The following C7 variants were observed in gnomAD, a reference collection of about 807,000 sequenced individuals.
The protein encoded by C7 is complement component C7.
A neutral mutation model predicts 104.8 loss-of-function variants in C7; 83 were observed. That is an observed-to-expected ratio of 0.79 (90% confidence interval 0.66 to 0.95). C7 has a LOEUF of 0.95. Among genes scored for constraint, C7 ranks in the 40% least tolerant of loss-of-function variants. The pLI is 0.00. For missense variants in C7, 1,070 were observed against 1,011.2 expected (o/e 1.06, Z -0.79); for synonymous variants, 415 against 360.6 (o/e 1.15, Z -1.71).
chr5:40,977,862 G>T (rs945944016), intron 16 of C7, among the ~76,000 whole-genome samples: 1 of 152,074 alleles, frequency 6.6e-6, no homozygotes, highest in African/African-American at 2.4e-5. Context: ...GACCTGGTGC[G>T]GTGGCTCACG....
At chr5:40,932,544 G>A (rs555085404) in intron 3 of C7, among the ~76,000 whole-genome samples, 5 of 152,132 alleles carry the variant, frequency 3.3e-5, no homozygotes, top group African/African-American at 1.2e-4. Context: ...TTATTTTGAA[G>A]CATCATCATT....
At chr5:40,964,540 A>T in intron 13 of C7, 2 of 490,698 alleles carry the variant, frequency 4.1e-6, no homozygotes, top group South Asian at 4.9e-5. Flanking sequence ...AGACAGTGGT[A>T]TTAATAGTTT....
chr5:40,961,720 A>G (rs1242327944), intron 12 of C7, among the ~76,000 whole-genome samples: 1 of 152,198 alleles, frequency 6.6e-6, no homozygotes, highest in Non-Finnish European at 1.5e-5. Context: ...TTAATTCTGT[A>G]TTAAATGAAT....
At chr5:40,978,371 T>A (rs1489644284) in intron 16 of C7, among the ~76,000 whole-genome samples, 1 of 152,160 alleles carries the variant, frequency 6.6e-6, no homozygotes, top group Non-Finnish European at 1.5e-5. Flanking sequence ...TCTTTAATAA[T>A]TATTGTTTAT....
At chr5:40,916,061 T>A (rs1046162022) in intron 1 of C7, among the ~76,000 whole-genome samples, 1 of 150,398 alleles carries the variant, frequency 6.6e-6, no homozygotes, top group African/African-American at 2.5e-5. Flanking sequence ...TTGAATTGTA[T>A]CTTCTCCATC....
rs114444255 is a variant in C7 at position 40,949,782 on chromosome 5, C to A, written c.983-122C>A. 1,743 of 664,058 alleles carry A rather than the reference C, an allele frequency of 2.6e-3. 18 individuals carry two copies. The highest frequency in any genetic ancestry group is 0.024 in the African/African-American group (1,325 of 55,016). The allele number at this position is 664,058 out of a possible 1,614,324, so 41.1% of individuals were successfully genotyped here. On this transcript the variant is annotated intron_variant, in intron 8 of 17. Transcript: ENST00000313164. ...CTAGAGCACTTGAAAATGTTCATAT[C>A]ATGTCACTCTTGATTAGATGGCCAT...
At chr5:40,975,425 G>T (rs187833397) in intron 15 of C7, among the ~76,000 whole-genome samples, 3 of 149,008 alleles carry the variant, frequency 2.0e-5, no homozygotes, top group Non-Finnish European at 4.4e-5. Context: ...GTGCAACGGC[G>T]CAATCTTGGT....
Position 40,959,435 on chromosome 5 carries a change from T to C in C7, c.1490-14T>C. The C allele has an allele frequency of 6.2e-7, 1 of 1,605,588 alleles. No homozygotes were observed. The highest frequency in any genetic ancestry group is 8.5e-7 in the Non-Finnish European group (1 of 1,176,600). On this transcript the variant is annotated splice_polypyrimidine_tract_variant and intron_variant, in intron 11 of 17. Transcript: ENST00000313164. ...TTTAAGAACTTATTGATCAACCTCT[T>C]TCTCATCTTGTAGGAGGGGTTGATG... is the stretch of plus-strand genomic sequence containing the variant.
At chr5:40,974,563 T>C (rs1440831880) in intron 15 of C7, among the ~76,000 whole-genome samples, 1 of 151,818 alleles carries the variant, frequency 6.6e-6, no homozygotes, top group Non-Finnish European at 1.5e-5. Context: ...CTACAGGTGC[T>C]CGCCACCATG....
rs1426790359 is a variant in C7, at chr5:40,945,211, A to G, written c.581A>G (p.Asn194Ser). 3 of 1,485,382 alleles carry G rather than the reference A, an allele frequency of 2.0e-6. No homozygotes were observed. The highest frequency in any genetic ancestry group is 4.7e-5 in the Admixed American group (2 of 42,198). The allele number at this position is 1,485,382 out of a possible 1,614,324, so 92.0% of individuals were successfully genotyped here. A position where few individuals can be genotyped will look rare whatever the true frequency, so the allele number is the denominator to read the frequency against. ...TTTTCTTTGTAGGTGAAAATAAATA[A>G]TGATTTTAATTATGAATTTTACAAT... Reference protein sequence around the residue: ...LSYTFQVKINNDFNYEFYNST... With the variant: ...LSYTFQVKINSDFNYEFYNST... Residue 194 changes from asparagine to serine, a missense_variant, in exon 7 of 18, where the codon AAT becomes AGT. Physicochemically the swap from Asn to Ser is conservative, Grantham distance 46. Transcript: ENST00000313164.
intron 16 of C7, among the ~76,000 whole-genome samples, chr5:40,979,396 G>A (rs1233340306): frequency 6.6e-6 from 1 of 152,034 alleles, no homozygotes; most frequent in Non-Finnish European, 1.5e-5. Flanking sequence ...CTGGCTTTCT[G>A]TCTCCTTTGT....
chr5:40,927,776 A>G (rs1409830938), intron 1 of C7, among the ~76,000 whole-genome samples: 1 of 152,186 alleles, frequency 6.6e-6, no homozygotes, highest in Non-Finnish European at 1.5e-5. Context: ...GCTATTATCA[A>G]AAAGACAAAA....
intron 10 of C7, 73 bp downstream of exon 10, chr5:40,955,626 AT>A: frequency 1.4e-6 from 2 of 1,389,286 alleles, no homozygotes; most frequent in Non-Finnish European, 2.0e-6. Flanking sequence ...AGGTGGTTAA[AT>A]CAAGATGGTT....
At chr5:40,964,061 G>T (rs1740490701) in intron 13 of C7, among the ~76,000 whole-genome samples, 1 of 106,346 alleles carries the variant, frequency 9.4e-6, no homozygotes, top group Non-Finnish European at 1.8e-5. Context: ...TAGAGAGAGA[G>T]AGACAGAGTC....
chr5:40,924,312 C>A (rs1200703004), intron 1 of C7, among the ~76,000 whole-genome samples: 1 of 152,192 alleles, frequency 6.6e-6, no homozygotes, highest in Non-Finnish European at 1.5e-5. Context: ...GGTTCCACAT[C>A]CAGGACATAC....
intron 17 of C7, chr5:40,980,222 G>A (rs926753968): frequency 8.9e-6 from 2 of 223,936 alleles, no homozygotes. Context: ...TTTTTTAAAA[G>A]TCTGACATAA....
rs1280445321 is a variant in C7, at chr5:40,962,101, T to G, written c.1678T>G (p.Cys560Gly). The change falls in exon 13 of 18, where the codon TGC becomes GGC. Residue 560 changes from cysteine (C) to glycine (G), a missense_variant. Cys to Gly is a radical substitution (Grantham distance 159, BLOSUM62 -3). Coordinates refer to ENST00000313164, the MANE Select transcript of C7 (RefSeq NM_000587.4). The stretch of plus-strand genomic sequence containing the variant: ...TCCTTCCAGGTTGCTTGAACCACAT[T>G]GCTTTCCTTTGTCTTTGGTTCCAAC... ...LEHLRLLEPH[C>G]FPLSLVPTEF... is the part of the protein sequence containing the mutation. 2 of 1,551,134 alleles carry G rather than the reference T, an allele frequency of 1.3e-6. No homozygotes were observed. Among genetic ancestry groups the G allele is most frequent in the Non-Finnish European group, 1.8e-6 (2 of 1,141,580 alleles).
chr5:40,952,491 T>TTTATTTATTTATTTATTTAC (rs1157780970), intron 9 of C7, among the ~76,000 whole-genome samples: 7 of 151,488 alleles, frequency 4.6e-5, no homozygotes, highest in Non-Finnish European at 8.8e-5. Flanking sequence ...TATTTATTTA[T>TTTATTTATTTATTTATTTAC]TTATTTATTT....
chr5:40,946,644 C>A (rs2111627366), intron 7 of C7, among the ~76,000 whole-genome samples: 1 of 152,234 alleles, frequency 6.6e-6, no homozygotes, highest in South Asian at 2.1e-4. Flanking sequence ...ACCTACAAGT[C>A]ATTGTCAAGA....
Sources: allele counts gnomAD v4.1 joint callset (sites outside exome capture counted in the v4.1 genomes callset), GRCh38; gene constraint gnomAD v4.1.1; transcripts MANE v1.5; gene names NCBI Gene and HGNC (gene_info 2026-07-23, HGNC 2026-07-21).